Variants in BAMBI observed in about 807,000 individuals in gnomAD.
BAMBI encodes BMP and activin membrane bound inhibitor.
A neutral mutation model predicts 24.1 loss-of-function variants in BAMBI; 21 were observed. That is an observed-to-expected ratio of 0.87 (90% CI 0.62 to 1.26). BAMBI has a LOEUF of 1.26. Ranked by LOEUF, BAMBI falls within the 50% of genes most tolerant of loss-of-function variation. The pLI is 0.00. For missense variants in BAMBI, 388 were observed against 329.1 expected (o/e 1.18, Z -1.38); for synonymous variants, 156 against 123.1 (o/e 1.27, Z -1.77).
At position 28,681,435 on chromosome 10, in the gene BAMBI, C is replaced by G; in HGVS notation, c.254C>G (p.Ala85Gly). Residue 85 changes from alanine (A) to glycine (G), a missense_variant, in exon 2 of 3, where the codon GCC becomes GGC. Coordinates refer to ENST00000375533, the MANE Select transcript of BAMBI (RefSeq NM_012342.3). Reference sequence around the variant, plus strand: ...ACAGACATCTGCCAAGCCAAACAGGCCCGAAACCACTCTGGCACCACCATA... The same window carrying G: ...ACAGACATCTGCCAAGCCAAACAGGGCCGAAACCACTCTGGCACCACCATA... ...STTDICQAKQ[A>G]RNHSGTTIPT... 2 of 1,614,154 alleles carry G rather than the reference C, an allele frequency of 1.2e-6. No individual in the cohort carries two copies. The highest frequency in any genetic ancestry group is 1.7e-6 in the Non-Finnish European group (2 of 1,180,022).
chr10:28,678,305 A>G (rs1278357614), intron 1 of BAMBI, among the ~76,000 whole-genome samples: 1 of 152,132 alleles, frequency 6.6e-6, no homozygotes, highest in Non-Finnish European at 1.5e-5. Flanking sequence ...GGAATCGCAG[A>G]TCCTGGCCTG....
Position 28,677,804 on chromosome 10 carries a change from A to G in BAMBI, c.-94A>G. 1 of 792,560 alleles carries G rather than the reference A, an allele frequency of 1.3e-6. No homozygotes were observed. The allele number at this position is 792,560 out of a possible 1,614,324, so 49.1% of individuals were successfully genotyped here. A position where few individuals can be genotyped will look rare whatever the true frequency, so the allele number is the denominator to read the frequency against. On this transcript the variant is annotated 5_prime_UTR_variant, in exon 1 of 3. Transcript: ENST00000375533. ...GCTGACGGCGCCCGCCGCTCCGGGC[A>G]GGGCCCATGCCCTGCGCGCTCCGGG...
chr10:28,677,868 G>A lies in BAMBI; in HGVS notation c.-30G>A. The A allele has an allele frequency of 6.7e-7, 1 of 1,486,540 alleles. No homozygotes were observed. Among genetic ancestry groups the A allele is most frequent in the South Asian group, 1.3e-5 (1 of 79,330 alleles). 92.1% of individuals were successfully genotyped at this position (1,486,540 alleles called of 1,614,324 possible). A position where few individuals can be genotyped will look rare whatever the true frequency, so the allele number is the denominator to read the frequency against. Reference sequence around the variant, plus strand: ...CGCCGAGCCGGGGCTCCGGAAGCCGGCGGGGGCGCCGCGGCCGTGCGGGGC... The same window carrying A: ...CGCCGAGCCGGGGCTCCGGAAGCCGACGGGGGCGCCGCGGCCGTGCGGGGC... On this transcript the variant is annotated 5_prime_UTR_variant, in exon 1 of 3. Transcript: ENST00000375533.
chr10:28,681,761 C>G, intron 2 of BAMBI: 1 of 753,682 alleles, frequency 1.3e-6, no homozygotes, highest in Non-Finnish European at 2.1e-6. Flanking sequence ...GTTTTTTCAA[C>G]ATTTTGAAGA....
At chr10:28,681,168 G>C in intron 1 of BAMBI, 90 bp from the exon 2 acceptor site, 1 of 1,376,934 alleles carries the variant, frequency 7.3e-7, no homozygotes, top group South Asian at 1.4e-5. Context: ...AAAAGTTCAT[G>C]CCTTTGAATT....
intron 1 of BAMBI, among the ~76,000 whole-genome samples, chr10:28,678,648 TGA>T (rs892566454): frequency 2.6e-5 from 3 of 116,186 alleles, no homozygotes; most frequent in African/African-American, 7.9e-5. Flanking sequence ...AGTCTCTGTG[TGA>T]GTGTGTCTCT....
rs1358432767 is a variant in BAMBI, at chr10:28,677,711, C to A, written c.-187C>A. The A allele has an allele frequency of 6.8e-6, 2 of 295,694 alleles. No homozygotes were observed. Among genetic ancestry groups the A allele is most frequent in the African/African-American group, 2.2e-5 (1 of 45,056 alleles). 18.3% of individuals were successfully genotyped at this position (295,694 alleles called of 1,614,324 possible). The stretch of plus-strand genomic sequence containing the variant: ...GCCGACGGGGGACCGGGAAACTTTT[C>A]TGGGCTCCTGGGCGCGCCCTGTAGC... On this transcript the variant is annotated 5_prime_UTR_variant, in exon 1 of 3. In the 5' UTR this introduces an upstream ATG that the reference lacks. Transcript: ENST00000375533.
Position 28,681,249 on chromosome 10 carries a change from T to A in BAMBI, c.77-9T>A, listed in dbSNP as rs1564439284. The stretch of plus-strand genomic sequence containing the variant: ...AGCAGAGTTTGAGGTGGTTTCTCAT[T>A]GTTTTCAGGTGAAATTCGATGCTAC... On this transcript the variant is annotated splice_polypyrimidine_tract_variant and intron_variant, in intron 1 of 2. Transcript: ENST00000375533. 1 of 1,606,552 alleles carries A rather than the reference T, an allele frequency of 6.2e-7. No homozygotes were observed. The highest frequency in any genetic ancestry group is 1.7e-5 in the Admixed American group (1 of 59,826).
intron 1 of BAMBI, among the ~76,000 whole-genome samples, chr10:28,678,757 GC>G (rs1834465702): frequency 6.6e-6 from 1 of 151,690 alleles, no homozygotes; most frequent in East Asian, 1.9e-4. Context: ...CTTTTCAGCA[GC>G]CGGGAGGAGT....
Position 28,681,807 on chromosome 10 carries a change from T to C in BAMBI, c.365-176T>C, listed in dbSNP as rs149600558. The C allele has an allele frequency of 1.9e-4, 145 of 782,796 alleles. No homozygotes were observed. In the African/African-American group the frequency reaches 2.4e-3, roughly 13 times the overall value. 48.5% of individuals were successfully genotyped at this position (782,796 alleles called of 1,614,324 possible). On this transcript the variant is annotated intron_variant, in intron 2 of 2. Transcript: ENST00000375533. ...CCATTACATCTCAGTAATGACAGTC[T>C]GTAAACAAATGCGTTTGTAAGCTTC...
intron 1 of BAMBI, among the ~76,000 whole-genome samples, chr10:28,680,564 C>G (rs1358682203): frequency 1.3e-5 from 2 of 152,138 alleles, no homozygotes; most frequent in African/African-American, 4.8e-5. Context: ...CCTTTTATGA[C>G]TTTCCATTTG....
Position 28,682,786 on chromosome 10 carries a change from ATAAAT to A in BAMBI, c.*387_*391del, listed in dbSNP as rs1834514198. Reference sequence around the variant, plus strand: ...TGTCTGAAATTTAATAGTGTCTTTCATAAATTTAACTGGGAAACGTGAGACAGTAC... The same window carrying A: ...TGTCTGAAATTTAATAGTGTCTTTCATTAACTGGGAAACGTGAGACAGTAC... On this transcript the variant is annotated 3_prime_UTR_variant, in exon 3 of 3. Coordinates refer to ENST00000375533, the MANE Select transcript of BAMBI (RefSeq NM_012342.3). 6.2e-6 allele frequency: 1 copy of A among 161,438 alleles called. No individual in the cohort carries two copies. Among genetic ancestry groups the A allele is most frequent in the African/African-American group, 2.4e-5 (1 of 41,708 alleles). 10.0% of individuals were successfully genotyped at this position (161,438 alleles called of 1,614,324 possible).
chr10:28,682,611 A>T lies in BAMBI; in HGVS notation c.*210A>T. 1 of 522,194 alleles carries T rather than the reference A, an allele frequency of 1.9e-6. No homozygotes were observed. Among genetic ancestry groups the T allele is most frequent in the Non-Finnish European group, 3.3e-6 (1 of 304,362 alleles). 32.3% of individuals were successfully genotyped at this position (522,194 alleles called of 1,614,324 possible). On this transcript the variant is annotated 3_prime_UTR_variant, in exon 3 of 3. Transcript: ENST00000375533. ...GTGTTATTTGCTTTTAAAATTATAA[A>T]AAGCAAAGAGAAGACTTTGTACACA...
chr10:28,681,541 C>T lies in BAMBI; in HGVS notation c.360C>T (p.Ala120=), dbSNP rs1410355963. The T allele has an allele frequency of 1.2e-6, 2 of 1,612,920 alleles. No homozygotes were observed. Among genetic ancestry groups the T allele is most frequent in the Non-Finnish European group, 1.7e-6 (2 of 1,179,324 alleles). Reference sequence around the variant, plus strand: ...TTCTCTCTCCTCCCAGGGGTGAGGCCTCAGGTAGGTGGAAGCCGTTTCTAA... The same window carrying T: ...TTCTCTCTCCTCCCAGGGGTGAGGCTTCAGGTAGGTGGAAGCCGTTTCTAA... ...HDVLSPPRGE[A]SGQGNRYQHD... is the part of the protein sequence containing the mutation. The change falls in exon 2 of 3, where the codon GCC becomes GCT. Residue 120 remains alanine (A), a synonymous_variant. Transcript: ENST00000375533.
rs957127367 is a variant in BAMBI at position 28,677,696 on chromosome 10, G to A, written c.-202G>A. The A allele has an allele frequency of 1.8e-5, 5 of 283,146 alleles. No homozygotes were observed. Among genetic ancestry groups the A allele is most frequent in the Admixed American group, 5.3e-5 (1 of 18,974 alleles). The allele number at this position is 283,146 out of a possible 1,614,324, so 17.5% of individuals were successfully genotyped here. The stretch of plus-strand genomic sequence containing the variant: ...AGGGAGCCAGTGGCCGCCGACGGGG[G>A]ACCGGGAAACTTTTCTGGGCTCCTG... On this transcript the variant is annotated 5_prime_UTR_variant, in exon 1 of 3. Coordinates refer to ENST00000375533, the MANE Select transcript of BAMBI (RefSeq NM_012342.3).
intron 2 of BAMBI, 79 bp from the exon 3 acceptor site, chr10:28,681,904 G>C (rs1834501747): frequency 1.5e-6 from 2 of 1,336,458 alleles, no homozygotes; most frequent in South Asian, 1.4e-5. Flanking sequence ...GGAATTCTTG[G>C]TTAAAATGAA....
intron 1 of BAMBI, among the ~76,000 whole-genome samples, chr10:28,678,967 A>C (rs780572888): frequency 1.3e-5 from 2 of 150,506 alleles, no homozygotes; most frequent in African/African-American, 2.4e-5. Context: ...GTGAACAGAT[A>C]ATTTTTTTAA....
chr10:28,681,178 T>C (rs1834492932), intron 1 of BAMBI, 80 bp from the exon 2 acceptor site: 2 of 1,446,188 alleles, frequency 1.4e-6, no homozygotes, highest in Admixed American at 2.0e-5. Flanking sequence ...GCCTTTGAAT[T>C]TGGGATTTAG....
At chr10:28,681,606 G>C in intron 2 of BAMBI, 61 bp downstream of exon 2, 1 of 1,522,704 alleles carries the variant, frequency 6.6e-7, no homozygotes, top group Non-Finnish European at 9.0e-7. Flanking sequence ...TGACAGCCAC[G>C]ACTTTGTATG....
Sources: gnomAD v4.1 joint callset for allele counts (sites outside exome capture counted in the v4.1 genomes callset) on GRCh38, gnomAD v4.1.1 for gene constraint, MANE v1.5 for transcripts, NCBI Gene and HGNC (gene_info 2026-07-23, HGNC 2026-07-21) for gene names.